Variants in TBC1D31 observed in about 807,000 individuals in gnomAD.
TBC1D31 encodes the protein TBC1 domain family member 31.
In TBC1D31, 99 loss-of-function variants were observed where a neutral mutation model predicts 132.9. The observed-to-expected ratio is 0.74, with a 90% CI of 0.63 to 0.88. The LOEUF (loss-of-function observed/expected upper bound fraction) is 0.88, where lower values mean the gene tolerates loss of function less well. TBC1D31 is among the 40% of genes least tolerant of loss of function. TBC1D31 has a pLI of 0.00. For missense variants in TBC1D31, 1,134 were observed against 1,256.6 expected (o/e 0.90, Z 1.48); for synonymous variants, 385 against 419.4 (o/e 0.92, Z 1.00).
the TBC1D31 span, among the ~76,000 whole-genome samples, chr8:123,160,348 A>G: frequency 4.6e-5 from 7 of 152,180 alleles, no homozygotes; most frequent in African/African-American, 1.7e-4. Context: ...ATGTTAATCT[A>G]TAAGCTATTT....
chr8:123,105,024 G>A (rs149763211), intron 7 of TBC1D31, among the ~76,000 whole-genome samples: 17 of 152,158 alleles, frequency 1.1e-4, no homozygotes, highest in Middle Eastern at 6.8e-3. Context: ...AATGATTTAA[G>A]GCCAGCTTTC....
At chr8:123,075,441 C>T (rs1334596034) in intron 1 of TBC1D31, among the ~76,000 whole-genome samples, 4 of 152,144 alleles carry the variant, frequency 2.6e-5, no homozygotes, top group African/African-American at 9.7e-5. Flanking sequence ...CAGTGGCTCA[C>T]GCCTGTAATT....
At chr8:123,113,709 TAAATTATAATCCTAG>T (rs1818655734) in intron 10 of TBC1D31, among the ~76,000 whole-genome samples, 1 of 152,166 alleles carries the variant, frequency 6.6e-6, no homozygotes, top group South Asian at 2.1e-4. Context: ...AGGTGTACTT[TAAATTATAATCCTAG>T]TTTAGTTAAA....
At chr8:123,116,349 G>T (rs541788407) in intron 10 of TBC1D31, among the ~76,000 whole-genome samples, 2 of 152,068 alleles carry the variant, frequency 1.3e-5, no homozygotes, top group Non-Finnish European at 2.9e-5. Flanking sequence ...AATAAATGTG[G>T]AGTTAGCAAG....
intron 10 of TBC1D31, among the ~76,000 whole-genome samples, chr8:123,111,092 T>G (rs1038453738): frequency 7.1e-5 from 9 of 126,882 alleles, no homozygotes; most frequent in Admixed American, 1.7e-4. Context: ...TGAGTCAAGG[T>G]TTTTTTTTTC....
At chr8:123,146,066 C>T (rs1282321260) in intron 20 of TBC1D31, among the ~76,000 whole-genome samples, 1 of 151,990 alleles carries the variant, frequency 6.6e-6, no homozygotes, top group Non-Finnish European at 1.5e-5. Context: ...GATGGGTTTT[C>T]GCCATGTTGG....
downstream of TBC1D31, among the ~76,000 whole-genome samples, chr8:123,152,604 C>T (rs1202877854): frequency 3.3e-5 from 5 of 152,198 alleles, no homozygotes; most frequent in Admixed American, 3.3e-4. Flanking sequence ...GACGTGGTGG[C>T]TCACACCTGT....
In TBC1D31 at chr8:123,139,000, G is replaced by T. The variant is rs145247807; in HGVS notation, c.2500-1761G>T. On this transcript the variant is annotated intron_variant, in intron 17 of 21. Transcript: ENST00000287380. ...AATTTTTGTAGTTTTTATAGAGAGGGTTTTACTATGTTGCTCATGCTGGTT... is the reference window on the plus strand; with the variant it reads ...AATTTTTGTAGTTTTTATAGAGAGGTTTTTACTATGTTGCTCATGCTGGTT... 8.3e-3 allele frequency among the ~76,000 whole-genome samples: 1,261 copies of T among 152,046 alleles called. 15 individuals carry two copies. Among genetic ancestry groups the T allele is most frequent in the African/African-American group, 0.03 (1,226 of 41,464 alleles).
At chr8:123,134,086 G>A in intron 16 of TBC1D31, 28 bp from the exon 17 acceptor site, 1 of 1,517,850 alleles carries the variant, frequency 6.6e-7, no homozygotes, top group Middle Eastern at 1.7e-4. Context: ...ATTCTTTTTG[G>A]TATTTACAGT....
At chr8:123,102,976 T>G (rs1216344861) in intron 7 of TBC1D31, 1 of 152,252 alleles carries the variant, frequency 6.6e-6, no homozygotes, top group Non-Finnish European at 1.5e-5. Context: ...TGAGTTATAG[T>G]GCTAAGCTGT....
intron 11 of TBC1D31, chr8:123,123,623 C>G (rs769343310): frequency 6.5e-6 from 1 of 152,708 alleles, no homozygotes; most frequent in Non-Finnish European, 1.5e-5. Flanking sequence ...AAAATGAGAA[C>G]CATCAAGGCT....
At chr8:123,110,561 A>G (rs767391375) in intron 10 of TBC1D31, among the ~76,000 whole-genome samples, 8 of 152,126 alleles carry the variant, frequency 5.3e-5, no homozygotes, top group African/African-American at 1.4e-4. Flanking sequence ...TAATGTAACA[A>G]ATATCCCCAT....
intron 20 of TBC1D31, among the ~76,000 whole-genome samples, chr8:123,149,378 T>C (rs1822562509): frequency 6.6e-6 from 1 of 152,220 alleles, no homozygotes; most frequent in Admixed American, 6.5e-5. Context: ...ACTCCCAGCA[T>C]TCTGGGCTCG....
intron 11 of TBC1D31, among the ~76,000 whole-genome samples, chr8:123,124,368 T>G (rs1819814996): frequency 6.6e-6 from 1 of 152,208 alleles, no homozygotes; most frequent in Admixed American, 6.5e-5. Context: ...ATCATTTCTC[T>G]GTATTTTGCT....
intron 10 of TBC1D31, among the ~76,000 whole-genome samples, chr8:123,111,474 A>T (rs1054725100): frequency 1.3e-5 from 2 of 152,198 alleles, no homozygotes; most frequent in Non-Finnish European, 2.9e-5. Flanking sequence ...TGTATTGATT[A>T]TGAACTCAGA....
At chr8:123,144,215 A>T (rs546494580) in intron 19 of TBC1D31, among the ~76,000 whole-genome samples, 3 of 152,272 alleles carry the variant, frequency 2.0e-5, no homozygotes, top group African/African-American at 7.2e-5. Context: ...TTCTGAGCTA[A>T]TTTTAAGATT....
chr8:123,106,610 G>A (rs999396696), intron 8 of TBC1D31, among the ~76,000 whole-genome samples: 4 of 152,128 alleles, frequency 2.6e-5, no homozygotes, highest in Admixed American at 1.3e-4. Flanking sequence ...ACATTTCCTC[G>A]TCAAATCAGT....
chr8:123,088,454 G>T (rs572470335), intron 4 of TBC1D31, among the ~76,000 whole-genome samples: 201 of 152,242 alleles, frequency 1.3e-3, no homozygotes, highest in African/African-American at 4.7e-3. Flanking sequence ...TAGCTCCTGG[G>T]CTGTACAAAG....
chr8:123,117,284 C>T lies in TBC1D31; in HGVS notation c.1437-2771C>T, dbSNP rs565837912. On this transcript the variant is annotated intron_variant, in intron 10 of 21. Coordinates refer to ENST00000287380, the MANE Select transcript of TBC1D31 (RefSeq NM_145647.4). ...GAGCCCAGATCACACCACTGCACTC[C>T]GCCTGGGTGAAAGAGTGAGACTTTG... Among the ~76,000 whole-genome samples, 30 of 151,716 alleles carry T rather than the reference C, an allele frequency of 2.0e-4. No homozygotes were observed. In the East Asian group the frequency reaches 2.1e-3, roughly 11 times the overall value.
Sources: gnomAD v4.1 joint callset for allele counts (sites outside exome capture counted in the v4.1 genomes callset) on GRCh38, gnomAD v4.1.1 for gene constraint, MANE v1.5 for transcripts, NCBI Gene and HGNC (gene_info 2026-07-23, HGNC 2026-07-21) for gene names.